Variants in ZNF385D observed in about 807,000 individuals in gnomAD.
ZNF385D encodes the protein zinc finger protein 385D, also known as zinc finger protein 659.
Under a neutral mutation model 35.8 loss-of-function variants are expected in ZNF385D, and 15 were observed. That is an observed-to-expected ratio of 0.42 (90% CI 0.28 to 0.64). ZNF385D has a LOEUF of 0.64. ZNF385D is among the 30% of genes least tolerant of loss of function. The pLI, the probability that ZNF385D is intolerant of heterozygous loss-of-function variation, is 0.23. For synonymous variants in ZNF385D, 212 were observed against 186.8 expected (o/e 1.13, Z -1.10); for missense variants, 474 against 494.6 (o/e 0.96, Z 0.39).
chr3:21,796,904 G>A (rs1049231431), intron 3 of ZNF385D, among the ~76,000 whole-genome samples: 1 of 152,174 alleles, frequency 6.6e-6, no homozygotes, highest in African/African-American at 2.4e-5. Context: ...AGGACTCTGA[G>A]TTCCCACCTC....
chr3:21,806,198 T>C, intron 3 of ZNF385D, among the ~76,000 whole-genome samples: 1 of 151,986 alleles, frequency 6.6e-6, no homozygotes, highest in African/African-American at 2.4e-5. Flanking sequence ...CTTTTTTTTT[T>C]TAAATTTCTT....
rs538134636 is a variant in ZNF385D at position 21,476,975 on chromosome 3, C to T, written c.439+33886G>A. Reference sequence around the variant, plus strand: ...AACCATTCTATGTCACCAATTACCCCACCCATTTTTATAACCACCACAAGG... The same window carrying T: ...AACCATTCTATGTCACCAATTACCCTACCCATTTTTATAACCACCACAAGG... On this transcript the variant is annotated intron_variant, in intron 4 of 7. Transcript: ENST00000281523. Among the ~76,000 whole-genome samples the T allele has an allele frequency of 8.5e-5, 13 of 152,242 alleles. No individual in the cohort carries two copies. In the South Asian group the frequency reaches 2.3e-3, roughly 27 times the overall value.
At chr3:21,512,272 G>A (rs561699308) in intron 3 of ZNF385D, among the ~76,000 whole-genome samples, 4 of 152,012 alleles carry the variant, frequency 2.6e-5, no homozygotes, top group African/African-American at 9.7e-5. Context: ...GGGTGACCAG[G>A]AAGATTCTTA....
intron 2 of ZNF385D, among the ~76,000 whole-genome samples, chr3:21,627,246 G>GGTGTGTGT (rs55918045): frequency 0.016 from 2,278 of 139,474 alleles, 27 homozygotes; most frequent in East Asian, 0.036. Flanking sequence ...AGAGGTGTAG[G>GGTGTGTGT]GTGTGTGTGT....
At chr3:22,275,191 G>C (rs552762731) in intron 2 of ZNF385D, among the ~76,000 whole-genome samples, 1 of 152,176 alleles carries the variant, frequency 6.6e-6, no homozygotes, top group South Asian at 2.1e-4. Flanking sequence ...TTCCTTAAAT[G>C]ATCACTGTGG....
chr3:22,368,485 T>C (rs1696754764), intron 2 of ZNF385D, among the ~76,000 whole-genome samples: 1 of 152,196 alleles, frequency 6.6e-6, no homozygotes, highest in African/African-American at 2.4e-5. Context: ...TTAATCAGTA[T>C]GGACTGCTAC....
chr3:21,823,410 G>A (rs1361914468), intron 3 of ZNF385D, among the ~76,000 whole-genome samples: 1 of 150,884 alleles, frequency 6.6e-6, no homozygotes, highest in Non-Finnish European at 1.5e-5. Flanking sequence ...CATGTCCAGT[G>A]CATGTGTATG....
chr3:22,030,299 A>ATATATCTATC (rs1553591392), intron 3 of ZNF385D, among the ~76,000 whole-genome samples: 3 of 114,742 alleles, frequency 2.6e-5, no homozygotes, highest in Admixed American at 2.1e-4. Context: ...ATATATATAT[A>ATATATCTATC]TATCCTATTT....
Position 21,681,316 on chromosome 3 carries a change from A to AAAAAAAAAAAAAAAAAAAAAAC in ZNF385D, c.23-16289_23-16288insGTTTTTTTTTTTTTTTTTTTTT, listed in dbSNP as rs1334410224. 5.4e-4 allele frequency among the ~76,000 whole-genome samples: 76 copies of AAAAAAAAAAAAAAAAAAAAAAC among 141,752 alleles called. 1 individual carries two copies. The highest frequency in any genetic ancestry group is 1.2e-3 in the South Asian group (5 of 4,272). The allele number at this position is 141,752 out of a possible 152,430, so 93.0% of individuals were successfully genotyped here. ...CCATCAGTAAAAAAAAAAAAAAAAA[A>AAAAAAAAAAAAAAAAAAAAAAC]AAAAAAAACCTACATTTTTGGCACA... On this transcript the variant is annotated intron_variant, in intron 1 of 7. Coordinates refer to ENST00000281523, the MANE Select transcript of ZNF385D (RefSeq NM_024697.3).
chr3:21,960,065 A>T (rs35631029), intron 3 of ZNF385D, among the ~76,000 whole-genome samples: 15,556 of 151,130 alleles, frequency 0.1, 1,080 homozygotes, highest in South Asian at 0.22. Context: ...TTAAGCCAAA[A>T]ATCTTCTGTA....
intron 1 of ZNF385D, among the ~76,000 whole-genome samples, chr3:21,714,189 G>A (rs4858348): frequency 0.69 from 104,811 of 152,056 alleles, 36,228 homozygotes; most frequent in African/African-American, 0.73. Flanking sequence ...AAAACCCATG[G>A]TCATTAACAG....
chr3:21,976,440 A>G (rs1486096043), intron 3 of ZNF385D, among the ~76,000 whole-genome samples: 1 of 152,216 alleles, frequency 6.6e-6, no homozygotes, highest in Non-Finnish European at 1.5e-5. Flanking sequence ...GAAAAAATAC[A>G]ATAACTAAAA....
At chr3:22,233,835 T>C (rs1699030288) in intron 2 of ZNF385D, among the ~76,000 whole-genome samples, 2 of 152,120 alleles carry the variant, frequency 1.3e-5, no homozygotes, top group Admixed American at 1.3e-4. Context: ...CATATTCTGG[T>C]ATTAAGAAAC....
chr3:22,285,330 T>C lies in ZNF385D; in HGVS notation c.106+87120A>G, dbSNP rs529181728. Among the ~76,000 whole-genome samples, 51 of 152,286 alleles carry C rather than the reference T, an allele frequency of 3.3e-4. No individual in the cohort carries two copies. The Middle Eastern group carries it at 0.034, about 102-fold the overall frequency. Reference sequence around the variant, plus strand: ...ATCCATTTTTTAAGTAGAAAAGATCTGACTAGTTTGACTAAGTAGAAAGAT... The same window carrying C: ...ATCCATTTTTTAAGTAGAAAAGATCCGACTAGTTTGACTAAGTAGAAAGAT... On this transcript the variant is annotated intron_variant, in intron 2 of 5. Transcript: ENST00000494108.
chr3:21,716,487 T>C (rs999296307), intron 1 of ZNF385D, among the ~76,000 whole-genome samples: 1 of 152,156 alleles, frequency 6.6e-6, no homozygotes, highest in Non-Finnish European at 1.5e-5. Context: ...ATTATTTCTC[T>C]GACATACCAG....
intron 3 of ZNF385D, among the ~76,000 whole-genome samples, chr3:21,981,396 A>G (rs980613070): frequency 1.3e-5 from 2 of 151,896 alleles, no homozygotes; most frequent in African/African-American, 2.4e-5. Context: ...TCATGACTGA[A>G]CACTTTTAAA....
chr3:21,811,877 A>G (rs936688484), intron 3 of ZNF385D, among the ~76,000 whole-genome samples: 8 of 152,220 alleles, frequency 5.3e-5, no homozygotes, highest in African/African-American at 1.9e-4. Flanking sequence ...TGCATAATGA[A>G]TAGATTAGGG....
intron 3 of ZNF385D, among the ~76,000 whole-genome samples, 157 bp from the exon 4 acceptor site, chr3:21,511,180 G>A (rs1190330528): frequency 1.3e-5 from 2 of 152,134 alleles, no homozygotes; most frequent in East Asian, 3.9e-4. Context: ...AATGATGCTA[G>A]AAAGCAATGG....
At chr3:21,652,413 C>G (rs932229936) in intron 2 of ZNF385D, among the ~76,000 whole-genome samples, 41 of 152,094 alleles carry the variant, frequency 2.7e-4, no homozygotes, top group African/African-American at 9.9e-4. Flanking sequence ...TTTATACTGG[C>G]TGGATCCCAA....
Sources: gnomAD v4.1 joint callset for allele counts (sites outside exome capture counted in the v4.1 genomes callset) on GRCh38, gnomAD v4.1.1 for gene constraint, MANE v1.5 for transcripts, NCBI Gene and HGNC (gene_info 2026-07-23, HGNC 2026-07-21) for gene names.